The following ZNF841 variants were observed in gnomAD, a reference collection of about 807,000 sequenced individuals.
ZNF841 encodes TCONS_00006091.
Under a neutral mutation model 13.0 loss-of-function variants are expected in ZNF841, and 11 were observed. That is an observed-to-expected ratio of 0.85 (90% CI 0.53 to 1.40). The LOEUF (loss-of-function observed/expected upper bound fraction) is 1.40. ZNF841 is among the 40% of genes most tolerant of loss of function. ZNF841 has a pLI of 0.00. For missense variants in ZNF841, 1,068 were observed against 1,139.5 expected (o/e 0.94, Z 0.90); for synonymous variants, 369 against 381.6 (o/e 0.97, Z 0.38).
chr19:52,082,213 T>G (rs1243555111), intron 4 of ZNF841, among the ~76,000 whole-genome samples: 1 of 152,176 alleles, frequency 6.6e-6, no homozygotes, highest in East Asian at 1.9e-4. Flanking sequence ...GATGTGATGG[T>G]GACAAGACCT....
Position 52,095,710 on chromosome 19 carries a change from C to T in ZNF841, c.-405G>A, listed in dbSNP as rs1373211686. 1.3e-5 allele frequency: 2 copies of T among 152,236 alleles called. No individual in the cohort carries two copies. Among genetic ancestry groups the T allele is most frequent in the Admixed American group, 1.3e-4 (2 of 15,274 alleles). The allele number at this position is 152,236 out of a possible 1,614,324, so 9.4% of individuals were successfully genotyped here. A position where few individuals can be genotyped will look rare whatever the true frequency, so the allele number is the denominator to read the frequency against. On this transcript the variant is annotated 5_prime_UTR_variant, in exon 1 of 7. Coordinates refer to ENST00000594440, the MANE Select transcript of ZNF841 (RefSeq NM_001136499.2). ...GAAGCAAACGTTTAATCCAGGTAGACTGAAACACACTCATAGCGACGTGGC... is the reference window on the plus strand; with the variant it reads ...GAAGCAAACGTTTAATCCAGGTAGATTGAAACACACTCATAGCGACGTGGC...
At chr19:52,094,952 T>C (rs2088621084) in intron 1 of ZNF841, among the ~76,000 whole-genome samples, 1 of 152,162 alleles carries the variant, frequency 6.6e-6, no homozygotes, top group African/African-American at 2.4e-5. Context: ...TAAAGTATCA[T>C]CCATTTTGCC....
chr19:52,065,114 G>T lies in ZNF841; in HGVS notation c.2768C>A (p.Pro923His). The T allele has an allele frequency of 1.3e-6, 2 of 1,514,782 alleles. No individual in the cohort carries two copies. The highest frequency in any genetic ancestry group is 1.8e-6 in the Non-Finnish European group (2 of 1,134,690). The allele number at this position is 1,514,782 out of a possible 1,614,324, so 93.8% of individuals were successfully genotyped here. Residue 923 changes from proline (P) to histidine (H), a missense_variant, in exon 7 of 7, where the codon CCC becomes CAC. By Grantham distance (77) the Pro-to-His change is moderately conservative (BLOSUM62 -2). Coordinates refer to ENST00000594440, the MANE Select transcript of ZNF841 (RefSeq NM_001136499.2). ...PLDVVLTSGI[P>H]K ...TATATGAGTAAGTATAAATTATTTGGGGATCCCAGAGGTTAGGACAACATC... is the reference window on the plus strand; with the variant it reads ...TATATGAGTAAGTATAAATTATTTGTGGATCCCAGAGGTTAGGACAACATC...
intron 4 of ZNF841, among the ~76,000 whole-genome samples, chr19:52,084,231 A>C (rs1685117316): frequency 6.6e-6 from 1 of 152,148 alleles, no homozygotes; most frequent in African/African-American, 2.4e-5. Flanking sequence ...CAATGATGGA[A>C]TAAAACAACC....
intron 3 of ZNF841, among the ~76,000 whole-genome samples, chr19:52,088,470 T>C (rs1413937483): frequency 6.6e-6 from 1 of 152,214 alleles, no homozygotes; most frequent in Non-Finnish European, 1.5e-5. Context: ...TATCACTTAG[T>C]ACCATAAAAC....
chr19:52,067,308 G>A lies in ZNF841; in HGVS notation c.574C>T (p.Leu192=). 6.4e-7 allele frequency: 1 copy of A among 1,551,782 alleles called. No individual in the cohort carries two copies. Among genetic ancestry groups the A allele is most frequent in the African/African-American group, 1.4e-5 (1 of 73,180 alleles). ...GTTTGAAATTTCTGCAATTCACCCAGACCGGACTGAAACCTTAATATAAGC... is the reference window on the plus strand; with the variant it reads ...GTTTGAAATTTCTGCAATTCACCCAAACCGGACTGAAACCTTAATATAAGC... ...NQLILRFQSG[L]GELQKFQTAE... Residue 192 remains leucine, a synonymous_variant, in exon 7 of 7, where the codon CTG becomes TTG. Coordinates refer to ENST00000594440, the MANE Select transcript of ZNF841 (RefSeq NM_001136499.2).
rs1413753274 is a variant in ZNF841 at position 52,065,602 on chromosome 19, A to G, written c.2280T>C (p.Thr760=). The change falls in exon 7 of 7, where the codon ACT becomes ACC. Residue 760 remains threonine (T), a synonymous_variant. Coordinates refer to ENST00000594440, the MANE Select transcript of ZNF841 (RefSeq NM_001136499.2). ...TTLARHRRIH[T]GEKPYKCNEC... Reference sequence around the variant, plus strand: ...CATTACATTTGTAAGGTTTCTCTCCAGTATGAATTCTCCGATGCCTTGCCA... The same window carrying G: ...CATTACATTTGTAAGGTTTCTCTCCGGTATGAATTCTCCGATGCCTTGCCA... The G allele has an allele frequency of 2.5e-6, 4 of 1,613,318 alleles. No homozygotes were observed. In the South Asian group the frequency reaches 4.4e-5, roughly 18 times the overall value.
downstream of ZNF841, among the ~76,000 whole-genome samples, chr19:52,060,451 T>C (rs1231004183): frequency 6.6e-6 from 1 of 152,192 alleles, no homozygotes; most frequent in Non-Finnish European, 1.5e-5. Flanking sequence ...TGGAAGTGCC[T>C]AACTGCCACC....
intron 4 of ZNF841, among the ~76,000 whole-genome samples, chr19:52,081,593 C>A (rs1449355196): frequency 6.6e-6 from 1 of 152,224 alleles, no homozygotes; most frequent in African/African-American, 2.4e-5. Flanking sequence ...TGGCTCACGC[C>A]TGTAATTCCA....
intron 2 of ZNF841, among the ~76,000 whole-genome samples, chr19:52,092,038 G>T (rs1014424518): frequency 6.6e-6 from 1 of 151,836 alleles, no homozygotes; most frequent in African/African-American, 2.4e-5. Flanking sequence ...GCTACTACGG[G>T]GGCTGAGGCA....
intron 2 of ZNF841, among the ~76,000 whole-genome samples, chr19:52,090,691 GAA>G (rs1217850348): frequency 2.0e-5 from 3 of 147,466 alleles, no homozygotes; most frequent in African/African-American, 7.7e-5. Flanking sequence ...AAGAAAGAAA[GAA>G]AGAAAGAAAG....
At chr19:52,058,602 CA>C in the ZNF841 span, 1 of 152,382 alleles carries the variant, frequency 6.6e-6, no homozygotes, top group Non-Finnish European at 1.5e-5. Context: ...GTCCTTTCTT[CA>C]AGCATAAATA....
At chr19:52,078,177 CTACTGGGG>C (rs1441439880) in intron 4 of ZNF841, among the ~76,000 whole-genome samples, 1 of 152,024 alleles carries the variant, frequency 6.6e-6, no homozygotes, top group African/African-American at 2.4e-5. Flanking sequence ...GTAGTCCCAG[CTACTGGGG>C]AGGCTGACAC....
chr19:52,081,144 A>G (rs2123318331), intron 4 of ZNF841, among the ~76,000 whole-genome samples: 1 of 152,346 alleles, frequency 6.6e-6, no homozygotes, highest in Non-Finnish European at 1.5e-5. Flanking sequence ...TTATATAAAA[A>G]GGCATAGTAT....
At chr19:52,089,176 A>T (rs2088389266) in intron 2 of ZNF841, among the ~76,000 whole-genome samples, 174 bp from the exon 3 acceptor site, 1 of 152,172 alleles carries the variant, frequency 6.6e-6, no homozygotes, top group Non-Finnish European at 1.5e-5. Context: ...TTTGAGAAAA[A>T]GGGAAGTTAT....
rs2087481925 is a variant in ZNF841, at chr19:52,064,660, GTCTCAC to G, written c.*441_*446del. The stretch of plus-strand genomic sequence containing the variant: ...TTCGTGCGTGCGTGTGCGTGATGGA[GTCTCAC>G]TCTGTCACCCAGGCTAGAGTGCAGT... On this transcript the variant is annotated 3_prime_UTR_variant, in exon 7 of 7. Transcript: ENST00000594440. 1 of 155,030 alleles carries G rather than the reference GTCTCAC, an allele frequency of 6.5e-6. No homozygotes were observed. Among genetic ancestry groups the G allele is most frequent in the Admixed American group, 6.5e-5 (1 of 15,380 alleles). 9.6% of individuals were successfully genotyped at this position (155,030 alleles called of 1,614,324 possible). A position where few individuals can be genotyped will look rare whatever the true frequency, so the allele number is the denominator to read the frequency against.
At chr19:52,078,434 A>G (rs1429579313) in intron 4 of ZNF841, among the ~76,000 whole-genome samples, 2 of 152,120 alleles carry the variant, frequency 1.3e-5, no homozygotes, top group Non-Finnish European at 2.9e-5. Context: ...ATATGTAAAA[A>G]AGTTTTTATA....
chr19:52,076,948 C>A lies in ZNF841; in HGVS notation c.142+10G>T. On this transcript the variant is annotated intron_variant, in intron 5 of 6. Coordinates refer to ENST00000594440, the MANE Select transcript of ZNF841 (RefSeq NM_001136499.2). ...GAAGATCCTAACTTCTGGAGGAAAA[C>A]TATCCTCACCCAGGAAGCCGAGGTT... The A allele has an allele frequency of 6.2e-7, 1 of 1,611,450 alleles. No homozygotes were observed. The highest frequency in any genetic ancestry group is 1.7e-5 in the Admixed American group (1 of 59,940).
rs781489622 is a variant in ZNF841 at position 52,088,939 on chromosome 19, T to C, written c.-80A>G. 9 of 152,140 alleles carry C rather than the reference T, an allele frequency of 5.9e-5. No individual in the cohort carries two copies. The East Asian group carries it at 7.7e-4, about 13-fold the overall frequency. The allele number at this position is 152,140 out of a possible 1,614,324, so 9.4% of individuals were successfully genotyped here. On this transcript the variant is annotated splice_region_variant and 5_prime_UTR_variant, in exon 3 of 7. It removes an upstream start codon present in the reference 5' UTR. Coordinates refer to ENST00000594440, the MANE Select transcript of ZNF841 (RefSeq NM_001136499.2). Reference sequence around the variant, plus strand: ...ATGTTGACTTGCTTAATACGTACCATAGATTGAGGTGTGCGATTCAGTTGC... The same window carrying C: ...ATGTTGACTTGCTTAATACGTACCACAGATTGAGGTGTGCGATTCAGTTGC...
Sources: allele counts gnomAD v4.1 joint callset (sites outside exome capture counted in the v4.1 genomes callset), GRCh38; gene constraint gnomAD v4.1.1; transcripts MANE v1.5; gene names NCBI Gene and HGNC (gene_info 2026-07-23, HGNC 2026-07-21).